The following OPCML variants were observed in gnomAD, a reference collection of about 807,000 sequenced individuals.
OPCML encodes opioid-binding protein/cell adhesion molecule.
A neutral mutation model predicts 37.8 loss-of-function variants in OPCML; 13 were observed. The ratio of observed to expected loss-of-function variants is 0.34; its 90% confidence interval spans 0.22 to 0.55. The LOEUF (loss-of-function observed/expected upper bound fraction) is 0.55. OPCML is among the 20% of genes least tolerant of loss of function. The pLI, the probability that OPCML is intolerant of heterozygous loss-of-function variation, is 0.91. For synonymous variants in OPCML, 176 were observed against 168.8 expected (o/e 1.04, Z -0.33); for missense variants, 341 against 435.6 (o/e 0.78, Z 1.93).
chr11:132,739,233 T>G (rs1443275428), intron 2 of OPCML, among the ~76,000 whole-genome samples: 1 of 152,238 alleles, frequency 6.6e-6, no homozygotes, highest in Non-Finnish European at 1.5e-5. Flanking sequence ...TTTATTGTTC[T>G]TTGTTAAGAT....
Position 133,259,910 on chromosome 11 carries a change from G to C in OPCML, c.61+272354C>G, listed in dbSNP as rs1250984940. ...TGGGAATACGGTAGTGAACATAACA[G>C]ACAACGTCCCTGTCTTCATAGAGTT... On this transcript the variant is annotated intron_variant, in intron 1 of 7. Transcript: ENST00000524381. Among the ~76,000 whole-genome samples, 2 of 152,146 alleles carry C rather than the reference G, an allele frequency of 1.3e-5. 1 individual carries two copies. Among genetic ancestry groups the C allele is most frequent in the Admixed American group, 1.3e-4 (2 of 15,280 alleles).
intron 1 of OPCML, 136 bp downstream of exon 1, chr11:133,532,128 C>G: frequency 1.4e-6 from 2 of 1,407,986 alleles, no homozygotes; most frequent in Non-Finnish European, 1.9e-6. Flanking sequence ...GCAAGCCTAC[C>G]TCTTTCACTC....
At chr11:133,489,865 T>C (rs945874672) in intron 1 of OPCML, among the ~76,000 whole-genome samples, 23 of 151,102 alleles carry the variant, frequency 1.5e-4, no homozygotes, top group African/African-American at 5.1e-4. Flanking sequence ...TTTTTATACA[T>C]GCACACACAT....
intron 1 of OPCML, among the ~76,000 whole-genome samples, chr11:133,170,353 G>A (rs1388493652): frequency 6.6e-6 from 1 of 152,178 alleles, no homozygotes; most frequent in African/African-American, 2.4e-5. Context: ...GGATGTGGTG[G>A]TGGGCGCCTG....
chr11:132,554,271 T>C (rs1240628135), intron 3 of OPCML, among the ~76,000 whole-genome samples: 1 of 152,194 alleles, frequency 6.6e-6, no homozygotes, highest in African/African-American at 2.4e-5. Context: ...TTAATTTGAG[T>C]GCAGACTGTA....
intron 2 of OPCML, among the ~76,000 whole-genome samples, chr11:132,689,409 ACT>A (rs1943311675): frequency 6.6e-6 from 1 of 151,952 alleles, no homozygotes; most frequent in Admixed American, 6.6e-5. Flanking sequence ...TAGGGCAAAG[ACT>A]CTCTCCGTGT....
intron 2 of OPCML, among the ~76,000 whole-genome samples, chr11:132,692,782 G>T (rs140724594): frequency 6.6e-6 from 1 of 152,122 alleles, no homozygotes; most frequent in African/African-American, 2.4e-5. Context: ...TATGTGCAAA[G>T]ATGTTCCCTA....
intron 2 of OPCML, among the ~76,000 whole-genome samples, chr11:132,926,692 C>G (rs1251288357): frequency 6.6e-6 from 1 of 151,604 alleles, no homozygotes; most frequent in Non-Finnish European, 1.5e-5. Flanking sequence ...GTAAAATATG[C>G]CCCATTCAAA....
chr11:132,971,867 C>G (rs745846432), intron 1 of OPCML, among the ~76,000 whole-genome samples: 2 of 152,170 alleles, frequency 1.3e-5, no homozygotes, highest in Non-Finnish European at 2.9e-5. Context: ...ACCCTACTGG[C>G]CCCAATCTAG....
rs374919019 is a variant in OPCML at position 132,507,254 on chromosome 11, A to G, written c.505+21807T>C. ...TGAAAACACTTTATTAAAATCCGGT[A>G]TTACTCATTTTTGCTTTCATAAAGT... On this transcript the variant is annotated intron_variant, in intron 4 of 7. Coordinates refer to ENST00000524381, the MANE Select transcript of OPCML (RefSeq NM_001012393.5). Among the ~76,000 whole-genome samples the G allele has an allele frequency of 2.0e-4, 30 of 152,192 alleles. 1 individual carries two copies. The East Asian group carries it at 3.5e-3, about 18-fold the overall frequency.
chr11:132,782,526 C>CT (rs1356276328), intron 2 of OPCML, among the ~76,000 whole-genome samples: 1 of 152,204 alleles, frequency 6.6e-6, no homozygotes, highest in East Asian at 1.9e-4. Flanking sequence ...AAGATGTGAT[C>CT]TCACTTACAC....
intron 2 of OPCML, among the ~76,000 whole-genome samples, chr11:132,933,255 TC>T (rs1488861171): frequency 6.6e-6 from 1 of 152,166 alleles, no homozygotes; most frequent in African/African-American, 2.4e-5. Flanking sequence ...CATTGGCTTT[TC>T]CAAACCCTGA....
chr11:133,178,582 C>T (rs1937663756), intron 1 of OPCML, among the ~76,000 whole-genome samples: 1 of 151,986 alleles, frequency 6.6e-6, no homozygotes, highest in Non-Finnish European at 1.5e-5. Context: ...AGAGAAAGGA[C>T]AGAAGGAAGC....
At chr11:132,970,736 AC>A (rs1946323223) in intron 1 of OPCML, among the ~76,000 whole-genome samples, 1 of 152,068 alleles carries the variant, frequency 6.6e-6, no homozygotes, top group African/African-American at 2.4e-5. Flanking sequence ...TGATAATCTT[AC>A]TTTTCCTTTC....
chr11:133,277,324 T>C lies in OPCML; in HGVS notation c.61+254940A>G, dbSNP rs544558498. Among the ~76,000 whole-genome samples, 7 of 152,278 alleles carry C rather than the reference T, an allele frequency of 4.6e-5. No homozygotes were observed. In the South Asian group the frequency reaches 1.4e-3, roughly 32 times the overall value. ...TCGGGGAAGAAAGAAAATGTGCCAA[T>C]TGGTTAACATGAGTCATTGAGAGTC... On this transcript the variant is annotated intron_variant, in intron 1 of 7. Transcript: ENST00000524381.
chr11:132,569,002 G>A (rs1473647139), intron 3 of OPCML, among the ~76,000 whole-genome samples: 3 of 152,214 alleles, frequency 2.0e-5, no homozygotes, highest in Non-Finnish European at 2.9e-5. Flanking sequence ...GATCGCCAAT[G>A]GTAAATGTGC....
chr11:133,008,874 C>A, intron 1 of OPCML: 1 of 985,278 alleles, frequency 1.0e-6, no homozygotes, highest in Non-Finnish European at 1.2e-6. Context: ...TGGAGCCCAA[C>A]CTAATATATC....
At chr11:133,248,597 G>A (rs1442292831) in intron 1 of OPCML, among the ~76,000 whole-genome samples, 1 of 152,246 alleles carries the variant, frequency 6.6e-6, no homozygotes, top group Non-Finnish European at 1.5e-5. Context: ...AAGAGGCTAT[G>A]ATGGCGTGGC....
At position 133,047,939 on chromosome 11, in the gene OPCML, G is replaced by A. The variant is rs528832826; in HGVS notation, c.62-104929C>T. Reference sequence around the variant, plus strand: ...CCATTTCTATCTGGCACATGCTATGGCCAGGGCACTGCGAGAGGGTTTCTG... The same window carrying A: ...CCATTTCTATCTGGCACATGCTATGACCAGGGCACTGCGAGAGGGTTTCTG... On this transcript the variant is annotated intron_variant, in intron 1 of 7. Transcript: ENST00000524381. Among the ~76,000 whole-genome samples, 3 of 152,062 alleles carry A rather than the reference G, an allele frequency of 2.0e-5. No individual in the cohort carries two copies. The South Asian group carries it at 6.2e-4, about 32-fold the overall frequency.
Sources: allele counts gnomAD v4.1 joint callset (sites outside exome capture counted in the v4.1 genomes callset), GRCh38; gene constraint gnomAD v4.1.1; transcripts MANE v1.5; gene names NCBI Gene and HGNC (gene_info 2026-07-23, HGNC 2026-07-21).